ZNF469: variants seen among roughly 807,000 people sequenced by gnomAD.
The protein encoded by ZNF469 is zinc finger protein 469.
A neutral mutation model predicts 1.0 loss-of-function variants in ZNF469; 1 was observed. That is an observed-to-expected ratio of 1.00 (90% CI 0.35 to 4.73). The LOEUF (loss-of-function observed/expected upper bound fraction) is 4.73. Ranked by LOEUF, ZNF469 falls within the 30% of genes most tolerant of loss-of-function variation. The pLI is 0.16. For missense variants in ZNF469, 6,100 were observed against 5,356.3 expected (o/e 1.14, Z -4.33); for synonymous variants, 2,703 against 2,363.4 (o/e 1.14, Z -4.17).
At chr16:88,117,620 G>GTGCCTTCGGGGACCATGGAGGTGCCACA in the ZNF469 span, among the ~76,000 whole-genome samples, 2 of 152,072 alleles carry the variant, frequency 1.3e-5, no homozygotes, top group Admixed American at 6.5e-5. Context: ...GAGGTGCCAC[G>GTGCCTTCGGGGACCATGGAGGTGCCACA]TGTCTTCATG....
the ZNF469 span, among the ~76,000 whole-genome samples, chr16:88,156,431 G>C: frequency 6.6e-6 from 1 of 152,166 alleles, no homozygotes; most frequent in Non-Finnish European, 1.5e-5. Context: ...TAGGGGTTCA[G>C]CTCCATCCTA....
At chr16:88,143,164 G>A in the ZNF469 span, among the ~76,000 whole-genome samples, 8 of 152,124 alleles carry the variant, frequency 5.3e-5, no homozygotes, top group African/African-American at 1.2e-4. Flanking sequence ...CCCTGCCCAC[G>A]GAATGCCCAC....
the ZNF469 span, among the ~76,000 whole-genome samples, chr16:88,374,321 G>A: frequency 6.6e-6 from 1 of 152,234 alleles, no homozygotes; most frequent in Non-Finnish European, 1.5e-5. Flanking sequence ...GAGTTTGCTA[G>A]CTGGCAAAGC....
intron 1 of ZNF469, among the ~76,000 whole-genome samples, chr16:88,395,237 AGATG>A (rs750119902): frequency 0.16 from 5,549 of 35,536 alleles, 150 homozygotes; most frequent in Non-Finnish European, 0.21. Context: ...GTGGATGGGT[AGATG>A]GATGGATGGA....
the ZNF469 span, among the ~76,000 whole-genome samples, chr16:88,352,024 C>G: frequency 6.6e-6 from 1 of 152,162 alleles, no homozygotes; most frequent in African/African-American, 2.4e-5. Context: ...GCAGGTGGTG[C>G]AGCCACAACA....
At chr16:88,325,636 C>T in the ZNF469 span, among the ~76,000 whole-genome samples, 2 of 152,238 alleles carry the variant, frequency 1.3e-5, no homozygotes, top group African/African-American at 4.8e-5. Flanking sequence ...ACTTAGGGCT[C>T]CTGGTCCCAT....
chr16:88,250,920 C>T, the ZNF469 span, among the ~76,000 whole-genome samples: 1 of 152,198 alleles, frequency 6.6e-6, no homozygotes. Flanking sequence ...CTCTGTCCCA[C>T]AGGCTGGAGT....
the ZNF469 span, among the ~76,000 whole-genome samples, chr16:88,300,334 C>T: frequency 6.6e-5 from 10 of 152,006 alleles, no homozygotes; most frequent in Admixed American, 6.6e-4. Flanking sequence ...AGTTTAAAGT[C>T]AGCCTCCACC....
At chr16:88,217,129 A>G in the ZNF469 span, among the ~76,000 whole-genome samples, 2 of 150,116 alleles carry the variant, frequency 1.3e-5, no homozygotes, top group African/African-American at 2.4e-5. Flanking sequence ...GCCTTTGGTC[A>G]TGACATGTGA....
intron 1 of ZNF469, among the ~76,000 whole-genome samples, chr16:88,407,900 A>G (rs930181332): frequency 7.9e-5 from 12 of 152,236 alleles, no homozygotes; most frequent in African/African-American, 2.9e-4. Context: ...AACCACATGC[A>G]CACACCCGGC....
At chr16:88,360,646 G>A in the ZNF469 span, among the ~76,000 whole-genome samples, 7 of 112,690 alleles carry the variant, frequency 6.2e-5, no homozygotes, top group Admixed American at 9.2e-5. Context: ...CCCAGACAGC[G>A]CCCGCGTGCT....
the ZNF469 span, among the ~76,000 whole-genome samples, chr16:88,304,537 C>A: frequency 6.6e-6 from 1 of 152,092 alleles, no homozygotes; most frequent in African/African-American, 2.4e-5. Context: ...AGCAAGGGGG[C>A]CAGCATGTTC....
At chr16:88,141,502 A>G in the ZNF469 span, among the ~76,000 whole-genome samples, 3 of 138,304 alleles carry the variant, frequency 2.2e-5, no homozygotes, top group African/African-American at 8.3e-5. Flanking sequence ...CCTGGGAGGC[A>G]CCCCCGTCCT....
At chr16:88,370,562 A>C in the ZNF469 span, among the ~76,000 whole-genome samples, 2 of 151,948 alleles carry the variant, frequency 1.3e-5, no homozygotes, top group African/African-American at 2.4e-5. Context: ...TCGGGGTTAG[A>C]CGTTCCGTGT....
chr16:88,371,900 C>G, the ZNF469 span, among the ~76,000 whole-genome samples: 215 of 149,476 alleles, frequency 1.4e-3, 1 homozygote, highest in African/African-American at 5.0e-3. Context: ...ACCATCACTA[C>G]CATTACCATC....
At chr16:88,209,896 C>G in the ZNF469 span, among the ~76,000 whole-genome samples, 1 of 152,204 alleles carries the variant, frequency 6.6e-6, no homozygotes, top group Non-Finnish European at 1.5e-5. Flanking sequence ...TTTTCTAATG[C>G]ATTTTCATAC....
the ZNF469 span, among the ~76,000 whole-genome samples, chr16:88,151,853 G>A: frequency 1.2e-4 from 19 of 152,294 alleles, no homozygotes; most frequent in African/African-American, 2.9e-4. This position sits in a 1 kb window ranked among gnomAD's most constrained non-coding sequence, Gnocchi z 5.4. Flanking sequence ...AGACGTCCCC[G>A]CATTCATCAC....
chr16:88,264,890 C>G, the ZNF469 span, among the ~76,000 whole-genome samples: 3 of 152,162 alleles, frequency 2.0e-5, no homozygotes, highest in African/African-American at 7.2e-5. Flanking sequence ...TCTGGGGGCT[C>G]CTGAGGGTGA....
chr16:88,253,248 C>T, the ZNF469 span, among the ~76,000 whole-genome samples: 3 of 152,168 alleles, frequency 2.0e-5, no homozygotes, highest in Non-Finnish European at 2.9e-5. Context: ...AATGAGGGGT[C>T]GCTGAGCAGA....
Sources: allele counts gnomAD v4.1 joint callset (sites outside exome capture counted in the v4.1 genomes callset), GRCh38; gene constraint gnomAD v4.1.1; non-coding constraint Gnocchi (gnomAD v3.1); transcripts MANE v1.5; gene names NCBI Gene and HGNC (gene_info 2026-07-23, HGNC 2026-07-21).